The following RARB variants were observed in gnomAD, a reference collection of about 807,000 sequenced individuals.
RARB encodes retinoic acid receptor beta, also known as HBV-activated protein.
A neutral mutation model predicts 51.9 loss-of-function variants in RARB; 17 were observed. The ratio of observed to expected loss-of-function variants is 0.33; its 90% CI spans 0.22 to 0.49. The LOEUF is 0.49. Ranked by LOEUF, RARB falls within the 20% of genes least tolerant of loss-of-function variation. The pLI is 0.99. For missense variants in RARB, 369 were observed against 550.8 expected (o/e 0.67, Z 3.30); for synonymous variants, 215 against 195.4 (o/e 1.10, Z -0.84).
At chr3:25,168,468 C>T (rs1172597147) in intron 4 of RARB, among the ~76,000 whole-genome samples, 1 of 152,064 alleles carries the variant, frequency 6.6e-6, no homozygotes, top group Admixed American at 6.5e-5. Flanking sequence ...TCAAGTAATC[C>T]ACCCACCTCA....
chr3:25,165,366 T>A (rs2125348667), intron 4 of RARB, among the ~76,000 whole-genome samples: 1 of 152,292 alleles, frequency 6.6e-6, no homozygotes, highest in Non-Finnish European at 1.5e-5. Context: ...TCTCTCTCTG[T>A]CTTTCTAGGT....
Position 25,116,832 on chromosome 3 carries a change from C to G in RARB, c.-327-15329C>G, listed in dbSNP as rs148561026. 1.5e-3 allele frequency among the ~76,000 whole-genome samples: 221 copies of G among 152,126 alleles called. 1 individual carries two copies. The highest frequency in any genetic ancestry group is 6.8e-3 in the Middle Eastern group (2 of 294). ...AGCTTTGTCTTCTATTGCTGCATTA[C>G]CCTAGGTGATTCATGACAACTGAAT... is the stretch of plus-strand genomic sequence containing the variant. On this transcript the variant is annotated intron_variant, in intron 3 of 11. Transcript: ENST00000383772.
intron 5 of RARB, among the ~76,000 whole-genome samples, chr3:25,204,453 T>A (rs1021269336): frequency 6.6e-6 from 1 of 152,248 alleles, no homozygotes; most frequent in Non-Finnish European, 1.5e-5. Context: ...TCCACCTTTG[T>A]TCCATTGCTG....
intron 3 of RARB, among the ~76,000 whole-genome samples, chr3:25,061,972 G>C (rs1181981853): frequency 6.6e-6 from 1 of 151,578 alleles, no homozygotes; most frequent in African/African-American, 2.4e-5. Flanking sequence ...CTAAATATTG[G>C]AATTTAATAT....
At chr3:24,934,533 C>G (rs1178186124) in intron 2 of RARB, among the ~76,000 whole-genome samples, 1 of 151,710 alleles carries the variant, frequency 6.6e-6, no homozygotes, top group Non-Finnish European at 1.5e-5. Context: ...AAGAATAAGC[C>G]CAAAATCTCA....
chr3:24,859,804 A>G (rs1702712561), intron 2 of RARB, among the ~76,000 whole-genome samples: 1 of 152,228 alleles, frequency 6.6e-6, no homozygotes, highest in South Asian at 2.1e-4. Flanking sequence ...CAATTCTGCC[A>G]TTGTAGCAAT....
intron 5 of RARB, among the ~76,000 whole-genome samples, chr3:25,323,849 G>C (rs967092791): frequency 1.3e-5 from 2 of 152,184 alleles, no homozygotes; most frequent in African/African-American, 4.8e-5. Flanking sequence ...TTCCAGTTAA[G>C]TGTGGTCAGC....
chr3:25,425,385 G>A (rs2125509643), upstream of RARB, among the ~76,000 whole-genome samples: 1 of 152,292 alleles, frequency 6.6e-6, no homozygotes, highest in East Asian at 1.9e-4. Flanking sequence ...TACTGATGAA[G>A]AAATAATTAG....
chr3:25,205,706 G>A (rs1004796651), intron 5 of RARB, among the ~76,000 whole-genome samples: 2 of 151,584 alleles, frequency 1.3e-5, no homozygotes, highest in Non-Finnish European at 2.9e-5. Flanking sequence ...CATCTATTAT[G>A]TACCCATAAA....
At chr3:25,031,977 A>G (rs1697886026) in intron 2 of RARB, among the ~76,000 whole-genome samples, 1 of 152,200 alleles carries the variant, frequency 6.6e-6, no homozygotes, top group Non-Finnish European at 1.5e-5. Flanking sequence ...TTGATAATTT[A>G]TTATTCCTCA....
At chr3:25,375,981 T>C (rs1221773588) in intron 5 of RARB, among the ~76,000 whole-genome samples, 1 of 152,174 alleles carries the variant, frequency 6.6e-6, no homozygotes, top group Non-Finnish European at 1.5e-5. Context: ...TAATGTTACA[T>C]CTAACTCTTC....
intron 5 of RARB, among the ~76,000 whole-genome samples, chr3:25,399,133 C>T (rs1378157694): frequency 1.3e-5 from 2 of 152,152 alleles, no homozygotes; most frequent in Non-Finnish European, 2.9e-5. Flanking sequence ...CAGGAGGACA[C>T]AGGTTTCTTA....
chr3:24,937,045 A>G (rs1575080241), intron 2 of RARB, among the ~76,000 whole-genome samples: 1 of 152,178 alleles, frequency 6.6e-6, no homozygotes, highest in Non-Finnish European at 1.5e-5. Flanking sequence ...TTTTGTGACT[A>G]TTGTCTGTAA....
intron 2 of RARB, among the ~76,000 whole-genome samples, chr3:24,967,138 C>A (rs920367576): frequency 6.6e-6 from 1 of 152,112 alleles, no homozygotes. Flanking sequence ...GATCTGGCAA[C>A]TCTCGGCCCG....
intron 5 of RARB, among the ~76,000 whole-genome samples, chr3:25,415,426 A>T (rs1384565482): frequency 2.0e-5 from 3 of 152,178 alleles, no homozygotes; most frequent in African/African-American, 7.2e-5. Flanking sequence ...TGTATGCAGT[A>T]TATACCTCAT....
intron 5 of RARB, among the ~76,000 whole-genome samples, chr3:25,249,362 T>A (rs1055387890): frequency 6.6e-6 from 1 of 152,170 alleles, no homozygotes; most frequent in Non-Finnish European, 1.5e-5. Flanking sequence ...GTATTGTTCA[T>A]TTGTGTTCTC....
chr3:25,191,518 A>T (rs1240668002), intron 5 of RARB, among the ~76,000 whole-genome samples: 2 of 151,964 alleles, frequency 1.3e-5, no homozygotes, highest in African/African-American at 4.8e-5. Flanking sequence ...TAAATGAAGG[A>T]AAGAATCCAA....
intron 5 of RARB, among the ~76,000 whole-genome samples, chr3:25,245,599 A>AT (rs927951651): frequency 6.6e-6 from 1 of 152,072 alleles, no homozygotes; most frequent in South Asian, 2.1e-4. Context: ...TGGATTGAAA[A>AT]TTTTTTTATT....
rs1007291829 is a variant in RARB, at chr3:24,842,626, G to A, written c.-459+13223G>A. Among the ~76,000 whole-genome samples the A allele has an allele frequency of 2.0e-5, 3 of 152,190 alleles. No homozygotes were observed. In the South Asian group the frequency reaches 6.2e-4, roughly 32 times the overall value. The stretch of plus-strand genomic sequence containing the variant: ...TGAGAAATCCTGGGTACTTTTTCGA[G>A]GTCACAATTTCCTATGAGCTTAAAG... On this transcript the variant is annotated intron_variant, in intron 1 of 11. Transcript: ENST00000383772.
Sources: allele counts gnomAD v4.1 joint callset (sites outside exome capture counted in the v4.1 genomes callset), GRCh38; gene constraint gnomAD v4.1.1; transcripts MANE v1.5; gene names NCBI Gene and HGNC (gene_info 2026-07-23, HGNC 2026-07-21).